Variants in GPC6 observed in about 807,000 individuals in gnomAD.
GPC6 encodes the protein glypican-6.
A neutral mutation model predicts 55.2 loss-of-function variants in GPC6; 14 were observed. That is an observed-to-expected ratio of 0.25 (90% confidence interval 0.17 to 0.40). GPC6 has a LOEUF of 0.40. GPC6 is among the 10% of genes least tolerant of loss of function. GPC6 has a pLI of 1.00. For missense variants in GPC6, 641 were observed against 708.5 expected (o/e 0.90, Z 1.08); for synonymous variants, 278 against 259.6 (o/e 1.07, Z -0.68).
At chr13:93,242,827 C>A (rs1876478190) in intron 1 of GPC6, among the ~76,000 whole-genome samples, 1 of 152,056 alleles carries the variant, frequency 6.6e-6, no homozygotes, top group African/African-American at 2.4e-5. Context: ...GGGAACAGAC[C>A]ACCGTGAATC....
intron 5 of GPC6, among the ~76,000 whole-genome samples, chr13:94,298,226 G>A (rs369990448): frequency 2.6e-5 from 4 of 152,176 alleles, no homozygotes; most frequent in African/African-American, 9.7e-5. Context: ...GTTATCTTAT[G>A]TAATAGTATA....
At chr13:93,559,935 C>T (rs1329489956) in intron 2 of GPC6, among the ~76,000 whole-genome samples, 1 of 152,102 alleles carries the variant, frequency 6.6e-6, no homozygotes, top group African/African-American at 2.4e-5. Context: ...TTTGAAGAGG[C>T]CAAGACATTA....
intron 2 of GPC6, among the ~76,000 whole-genome samples, chr13:93,696,038 T>A (rs750363592): frequency 3.9e-5 from 6 of 152,184 alleles, no homozygotes; most frequent in East Asian, 1.9e-4. Context: ...TAACAGCATG[T>A]AGAAAGACTT....
intron 3 of GPC6, among the ~76,000 whole-genome samples, chr13:93,983,036 GA>G (rs1404847312): frequency 6.6e-6 from 1 of 152,104 alleles, no homozygotes; most frequent in Non-Finnish European, 1.5e-5. Context: ...TTTTGTCGTT[GA>G]AAAGGAAATA....
At chr13:93,939,375 G>A (rs1007297220) in intron 3 of GPC6, among the ~76,000 whole-genome samples, 9 of 150,610 alleles carry the variant, frequency 6.0e-5, no homozygotes, top group Admixed American at 2.6e-4. Flanking sequence ...GCCGAGATGC[G>A]CCACTGCACT....
At chr13:93,790,896 G>A (rs1886011379) in intron 2 of GPC6, among the ~76,000 whole-genome samples, 1 of 152,154 alleles carries the variant, frequency 6.6e-6, no homozygotes, top group Non-Finnish European at 1.5e-5. Flanking sequence ...CATGGACAGC[G>A]AAGGGCAGAA....
intron 4 of GPC6, among the ~76,000 whole-genome samples, chr13:94,119,725 T>C (rs181596024): frequency 5.3e-5 from 8 of 152,222 alleles, no homozygotes; most frequent in Non-Finnish European, 1.2e-4. Flanking sequence ...TCAGAGTGCC[T>C]TGTAGACCTG....
intron 1 of GPC6, among the ~76,000 whole-genome samples, chr13:93,452,910 C>T (rs1413849335): frequency 6.6e-6 from 1 of 152,184 alleles, no homozygotes; most frequent in Non-Finnish European, 1.5e-5. Context: ...CCATTTATGT[C>T]ACTGGTTCAT....
intron 4 of GPC6, among the ~76,000 whole-genome samples, chr13:94,157,458 G>C (rs754549018): frequency 6.6e-5 from 10 of 152,140 alleles, no homozygotes; most frequent in Non-Finnish European, 1.0e-4. Context: ...TGGAGAGTGG[G>C]AGTAGAAATA....
chr13:94,374,341 A>G (rs1308014968), intron 6 of GPC6, among the ~76,000 whole-genome samples: 10 of 151,494 alleles, frequency 6.6e-5, no homozygotes, highest in Non-Finnish European at 1.2e-4. Flanking sequence ...AGAGACCCAC[A>G]TAGGCTCAAA....
chr13:94,124,362 C>A (rs1257228555), intron 4 of GPC6, among the ~76,000 whole-genome samples: 1 of 152,186 alleles, frequency 6.6e-6, no homozygotes, highest in East Asian at 1.9e-4. Context: ...GCCCATCATG[C>A]ACTAAGTCTA....
At position 93,490,108 on chromosome 13, in the gene GPC6, C is replaced by T. The variant is rs1161445525; in HGVS notation, c.161-55155C>T. Among the ~76,000 whole-genome samples, 3 of 151,460 alleles carry T rather than the reference C, an allele frequency of 2.0e-5. 1 individual carries two copies. Among genetic ancestry groups the T allele is most frequent in the East Asian group, 2.2e-4 (1 of 4,510 alleles). ...AGTATGATATTGGCTGTGGGTGTGTCATAAATAGCTCTTATTATTTTGAGA... is the reference window on the plus strand; with the variant it reads ...AGTATGATATTGGCTGTGGGTGTGTTATAAATAGCTCTTATTATTTTGAGA... On this transcript the variant is annotated intron_variant, in intron 1 of 8. Coordinates refer to ENST00000377047, the MANE Select transcript of GPC6 (RefSeq NM_005708.5).
At chr13:93,780,931 G>A (rs887164868) in intron 2 of GPC6, among the ~76,000 whole-genome samples, 2 of 151,892 alleles carry the variant, frequency 1.3e-5, no homozygotes, top group Non-Finnish European at 2.9e-5. Flanking sequence ...ACTGTTATAG[G>A]CATAGAATAA....
chr13:93,719,475 G>A (rs1465647411), intron 2 of GPC6, among the ~76,000 whole-genome samples: 1 of 151,946 alleles, frequency 6.6e-6, no homozygotes, highest in Non-Finnish European at 1.5e-5. Context: ...AGGTGAAGAA[G>A]TTTTGGGGCT....
At chr13:94,333,511 T>C (rs1877530636) in intron 6 of GPC6, among the ~76,000 whole-genome samples, 1 of 152,216 alleles carries the variant, frequency 6.6e-6, no homozygotes, top group Admixed American at 6.5e-5. Flanking sequence ...AATCAATACA[T>C]CAATGCATTG....
intron 1 of GPC6, among the ~76,000 whole-genome samples, chr13:93,359,786 A>G (rs1376646787): frequency 6.6e-6 from 1 of 152,204 alleles, no homozygotes; most frequent in Non-Finnish European, 1.5e-5. Flanking sequence ...GTCTGCAAAC[A>G]TAGAGCATGT....
chr13:93,538,133 G>GT (rs1294385892), intron 1 of GPC6, among the ~76,000 whole-genome samples: 2 of 151,904 alleles, frequency 1.3e-5, no homozygotes, highest in Non-Finnish European at 2.9e-5. Context: ...CCCTTTCTGG[G>GT]TTTATGTGGA....
chr13:94,121,275 G>A (rs1886620284), intron 4 of GPC6, among the ~76,000 whole-genome samples: 2 of 152,202 alleles, frequency 1.3e-5, no homozygotes, highest in African/African-American at 4.8e-5. Context: ...AGTGGGCCCT[G>A]TAGAAGCACA....
intron 4 of GPC6, among the ~76,000 whole-genome samples, chr13:94,108,555 T>A (rs1002327883): frequency 6.6e-6 from 1 of 152,032 alleles, no homozygotes; most frequent in Non-Finnish European, 1.5e-5. Flanking sequence ...AAAAATACAT[T>A]AGGTACCAGG....
Sources: allele counts gnomAD v4.1 joint callset (sites outside exome capture counted in the v4.1 genomes callset), GRCh38; gene constraint gnomAD v4.1.1; transcripts MANE v1.5; gene names NCBI Gene and HGNC (gene_info 2026-07-23, HGNC 2026-07-21).